MTUS2: variants seen among roughly 807,000 people sequenced by gnomAD.
MTUS2 encodes microtubule-associated tumor suppressor candidate 2.
MTUS2 carries 40 observed loss-of-function variants against 114.1 expected under a neutral mutation model. The observed-to-expected ratio is 0.35, with a 90% confidence interval of 0.27 to 0.46. The LOEUF is 0.46. Ranked by LOEUF, MTUS2 falls within the 20% of genes least tolerant of loss-of-function variation. The pLI, the probability that MTUS2 is intolerant of heterozygous loss-of-function variation, is 1.00. For synonymous variants in MTUS2, 688 were observed against 672.0 expected (o/e 1.02, Z -0.37); for missense variants, 1,679 against 1,705.4 (o/e 0.98, Z 0.27).
At chr13:29,327,105 CCA>C (rs1256264495) in intron 7 of MTUS2, among the ~76,000 whole-genome samples, 2 of 151,782 alleles carry the variant, frequency 1.3e-5, no homozygotes, top group African/African-American at 4.8e-5. Flanking sequence ...TAGATCGTTT[CCA>C]AAGTACACTC....
intron 2 of MTUS2, among the ~76,000 whole-genome samples, chr13:28,995,249 C>T (rs1258913685): frequency 6.6e-6 from 1 of 152,152 alleles, no homozygotes; most frequent in Middle Eastern, 3.2e-3. Flanking sequence ...TGTTCTGTTC[C>T]ATTGATCTAT....
chr13:29,492,537 G>A (rs143682398), intron 11 of MTUS2, 109 bp from the exon 12 acceptor site: 18 of 771,392 alleles, frequency 2.3e-5, no homozygotes, highest in East Asian at 2.1e-4. Flanking sequence ...TCTGCTATAC[G>A]GGAGTCATTT....
chr13:29,419,016 C>T (rs1566189897), intron 8 of MTUS2, among the ~76,000 whole-genome samples: 1 of 152,220 alleles, frequency 6.6e-6, no homozygotes, highest in Non-Finnish European at 1.5e-5. Flanking sequence ...ATCAGAATCT[C>T]TGTTTAGTGA....
intron 4 of MTUS2, among the ~76,000 whole-genome samples, chr13:29,083,147 C>T (rs1889521058): frequency 1.3e-5 from 2 of 152,174 alleles, no homozygotes; most frequent in South Asian, 2.1e-4. Context: ...GAGTTCCCTG[C>T]AGTTTACCAG....
chr13:29,005,083 T>G (rs112434586), intron 2 of MTUS2, among the ~76,000 whole-genome samples: 3 of 152,150 alleles, frequency 2.0e-5, no homozygotes, highest in African/African-American at 7.2e-5. Flanking sequence ...ACAGACCCCT[T>G]TCTGCAGTAG....
At chr13:28,820,079 G>A (rs1873779421), upstream of MTUS2, among the ~76,000 whole-genome samples, 1 of 146,964 alleles carries the variant, frequency 6.8e-6, no homozygotes, top group Non-Finnish European at 1.5e-5. Flanking sequence ...TCGCGGGCGA[G>A]GCGCGCCGGC....
At chr13:29,465,372 G>A (rs1362530822) in intron 9 of MTUS2, among the ~76,000 whole-genome samples, 1 of 152,172 alleles carries the variant, frequency 6.6e-6, no homozygotes, top group East Asian at 1.9e-4. Flanking sequence ...GGTAAGCAGT[G>A]AACAGGCCTC....
intron 8 of MTUS2, among the ~76,000 whole-genome samples, chr13:29,374,020 G>T (rs759200422): frequency 6.6e-6 from 1 of 151,996 alleles, no homozygotes; most frequent in Non-Finnish European, 1.5e-5. Context: ...ATCAAAGGAA[G>T]AAAAGATACA....
intron 5 of MTUS2, among the ~76,000 whole-genome samples, chr13:29,274,525 C>T (rs1897991352): frequency 6.6e-6 from 1 of 152,126 alleles, no homozygotes; most frequent in Non-Finnish European, 1.5e-5. Flanking sequence ...CCTATCAATA[C>T]TTTTTATTGT....
chr13:29,276,223 G>A (rs1315888177), intron 5 of MTUS2, among the ~76,000 whole-genome samples: 1 of 152,190 alleles, frequency 6.6e-6, no homozygotes, highest in East Asian at 1.9e-4. Context: ...TGCTGAAAGA[G>A]CATTTTGTCC....
chr13:29,380,505 G>T (rs918589316), intron 8 of MTUS2, among the ~76,000 whole-genome samples: 4 of 152,228 alleles, frequency 2.6e-5, no homozygotes, highest in Non-Finnish European at 4.4e-5. Context: ...CCAGTGAGTC[G>T]TGATGTGTTG....
At chr13:29,199,645 A>C (rs904907611) in intron 5 of MTUS2, among the ~76,000 whole-genome samples, 12 of 152,024 alleles carry the variant, frequency 7.9e-5, no homozygotes, top group African/African-American at 2.9e-4. Flanking sequence ...ATGGGCCTGA[A>C]ATTTTCTTTT....
intron 5 of MTUS2, among the ~76,000 whole-genome samples, chr13:29,150,839 G>A (rs1197722391): frequency 1.3e-5 from 2 of 152,082 alleles, no homozygotes; most frequent in East Asian, 3.8e-4. Context: ...TCAAAGATCA[G>A]TTGGTTGTAT....
intron 2 of MTUS2, among the ~76,000 whole-genome samples, chr13:28,971,050 C>CATTT (rs1566261037): frequency 1.3e-5 from 2 of 152,120 alleles, no homozygotes; most frequent in African/African-American, 2.4e-5. Context: ...AAATGTTGCT[C>CATTT]ACAAATCAGT....
At chr13:29,138,648 G>A (rs1190727125) in intron 5 of MTUS2, among the ~76,000 whole-genome samples, 4 of 151,582 alleles carry the variant, frequency 2.6e-5, no homozygotes, top group African/African-American at 7.2e-5. Context: ...AAACTATAGC[G>A]ATGGTTGTAC....
At chr13:29,154,730 A>T (rs1171656337) in intron 5 of MTUS2, among the ~76,000 whole-genome samples, 6 of 152,222 alleles carry the variant, frequency 3.9e-5, no homozygotes, top group African/African-American at 1.4e-4. Flanking sequence ...ATACCTCTTG[A>T]AATTATTTCA....
At chr13:28,998,380 C>T (rs1024535038) in intron 2 of MTUS2, among the ~76,000 whole-genome samples, 1 of 152,146 alleles carries the variant, frequency 6.6e-6, no homozygotes, top group Non-Finnish European at 1.5e-5. Flanking sequence ...TGGAGTTGCT[C>T]TTCTTGAGGA....
At chr13:29,385,350 C>T (rs967267383) in intron 8 of MTUS2, among the ~76,000 whole-genome samples, 1 of 152,134 alleles carries the variant, frequency 6.6e-6, no homozygotes, top group African/African-American at 2.4e-5. Flanking sequence ...GTGTTTCACA[C>T]CTGCAGATTC....
At chr13:29,345,378 G>T (rs1344415433) in intron 7 of MTUS2, among the ~76,000 whole-genome samples, 1 of 151,620 alleles carries the variant, frequency 6.6e-6, no homozygotes, top group African/African-American at 2.4e-5. Flanking sequence ...CTTTGTCTTT[G>T]TTGGAATGGG....
Sources: allele counts gnomAD v4.1 joint callset (sites outside exome capture counted in the v4.1 genomes callset), GRCh38; gene constraint gnomAD v4.1.1; transcripts MANE v1.5; gene names NCBI Gene and HGNC (gene_info 2026-07-23, HGNC 2026-07-21).